The following CIT variants were observed in gnomAD, a reference collection of about 807,000 sequenced individuals.
CIT encodes citron rho-interacting serine/threonine kinase, also known as citron Rho-interacting kinase.
Under a neutral mutation model 272.7 loss-of-function variants are expected in CIT, and 79 were observed. The observed-to-expected ratio is 0.29, with a 90% CI of 0.24 to 0.35. The LOEUF is 0.35. Ranked by LOEUF, CIT falls within the 10% of genes least tolerant of loss-of-function variation. The pLI, the probability that CIT is intolerant of heterozygous loss-of-function variation, is 1.00. For missense variants in CIT, 1,909 were observed against 2,618.3 expected, an observed-to-expected ratio of 0.73 and a Z score of 5.91; for synonymous variants, 948 against 995.6, an observed-to-expected ratio of 0.95 and a Z score of 0.90.
intron 46 of CIT, among the ~76,000 whole-genome samples, chr12:119,693,541 G>A (rs954410339): frequency 1.3e-5 from 2 of 152,150 alleles, no homozygotes; most frequent in Admixed American, 1.3e-4. Context: ...TATCCAGTGA[G>A]GCAACGGAGG....
intron 9 of CIT, among the ~76,000 whole-genome samples, chr12:119,811,137 CA>C (rs1184148871): frequency 6.6e-6 from 1 of 152,040 alleles, no homozygotes; most frequent in Non-Finnish European, 1.5e-5. Context: ...CCAGCCTGGG[CA>C]ACATGGCAAA....
At position 119,718,610 on chromosome 12, in the gene CIT, C is replaced by G. The variant is rs1330420419; in HGVS notation, c.4003+89G>C. On this transcript the variant is annotated intron_variant, in intron 31 of 47. Coordinates refer to ENST00000392521, the MANE Select transcript of CIT (RefSeq NM_001206999.2). This position sits in a 1 kb window ranked among gnomAD's most constrained non-coding sequence, Gnocchi z 4.8. ...AGCGTATGGGCCATAAACGAAGACA[C>G]TGAGCTAGTTAGTCTTGGCTGATCT... The G allele has an allele frequency of 1.2e-5, 18 of 1,547,206 alleles. No individual in the cohort carries two copies. The highest frequency in any genetic ancestry group is 1.4e-5 in the Non-Finnish European group (16 of 1,131,980).
intron 4 of CIT, among the ~76,000 whole-genome samples, chr12:119,853,645 C>A (rs1212429527): frequency 2.0e-5 from 3 of 152,132 alleles, no homozygotes; most frequent in African/African-American, 7.2e-5. Context: ...TACCTAAAAT[C>A]ATGAGATTTA....
At chr12:119,794,840 C>A (rs1377592253) in intron 10 of CIT, among the ~76,000 whole-genome samples, 1 of 152,210 alleles carries the variant, frequency 6.6e-6, no homozygotes, top group African/African-American at 2.4e-5. Context: ...AACACTCATT[C>A]TACTCATGGC....
chr12:119,875,975 C>T, intron 2 of CIT, 98 bp downstream of exon 2: 1 of 757,390 alleles, frequency 1.3e-6, no homozygotes, highest in Admixed American at 2.4e-5. Context: ...GAGACTGAGA[C>T]TCTAAATAAA....
At position 119,688,044 on chromosome 12, in the gene CIT, G is replaced by A; in HGVS notation, c.*188C>T. The A allele has an allele frequency of 1.6e-6, 1 of 639,910 alleles. No homozygotes were observed. The highest frequency in any genetic ancestry group is 1.9e-5 in the South Asian group (1 of 53,176). 39.6% of individuals were successfully genotyped at this position (639,910 alleles called of 1,614,324 possible). On this transcript the variant is annotated 3_prime_UTR_variant, in exon 48 of 48. Transcript: ENST00000392521. Reference sequence around the variant, plus strand: ...CCAGGGCAGGCACCGGGCGCTGACAGCTCCGAAGAGCCTCAGCCACCTGCC... The same window carrying A: ...CCAGGGCAGGCACCGGGCGCTGACAACTCCGAAGAGCCTCAGCCACCTGCC...
At chr12:119,858,242 C>T (rs1251867456) in intron 3 of CIT, among the ~76,000 whole-genome samples, 3 of 152,162 alleles carry the variant, frequency 2.0e-5, no homozygotes, top group Non-Finnish European at 4.4e-5. Context: ...GGGGTCCAGG[C>T]ATGGTGGCTG....
chr12:119,861,117 T>A (rs1278979483), intron 3 of CIT, among the ~76,000 whole-genome samples: 1 of 149,108 alleles, frequency 6.7e-6, no homozygotes, highest in African/African-American at 2.5e-5. Flanking sequence ...CGAGACTCTG[T>A]CTCAGGAAAA....
intron 24 of CIT, among the ~76,000 whole-genome samples, chr12:119,736,311 G>A (rs1958751028): frequency 6.6e-6 from 1 of 152,112 alleles, no homozygotes; most frequent in African/African-American, 2.4e-5. Flanking sequence ...TTCAAACCTA[G>A]AGTCGATTTC....
Position 119,687,680 on chromosome 12 carries a change from C to G in CIT, c.*552G>C, listed in dbSNP as rs994715401. ...GGCTGCGGGAGGTTGGCCAACTGAC[C>G]GGGACTGTTCTACACTATGCCTCGG... On this transcript the variant is annotated 3_prime_UTR_variant, in exon 48 of 48. Coordinates refer to ENST00000392521, the MANE Select transcript of CIT (RefSeq NM_001206999.2). 2.0e-5 allele frequency: 3 copies of G among 151,926 alleles called. No homozygotes were observed. The highest frequency in any genetic ancestry group is 4.4e-5 in the Non-Finnish European group (3 of 68,174). The allele number at this position is 151,926 out of a possible 1,614,324, so 9.4% of individuals were successfully genotyped here.
intron 9 of CIT, among the ~76,000 whole-genome samples, chr12:119,814,782 A>C (rs1331678622): frequency 1.3e-5 from 2 of 152,230 alleles, no homozygotes; most frequent in East Asian, 3.8e-4. Context: ...CACGCCTGTA[A>C]TCCCAGCACT....
intron 9 of CIT, among the ~76,000 whole-genome samples, chr12:119,813,680 A>C (rs990719162): frequency 3.9e-5 from 6 of 152,170 alleles, no homozygotes; most frequent in African/African-American, 1.2e-4. Flanking sequence ...ATCTTCCCCC[A>C]AAAAAGGCAT....
intron 39 of CIT, among the ~76,000 whole-genome samples, chr12:119,709,705 T>C (rs1957053039): frequency 6.6e-6 from 1 of 151,380 alleles, no homozygotes; most frequent in South Asian, 2.1e-4. Context: ...AATCCTTAGG[T>C]TGATATACTG....
chr12:119,789,197 T>G (rs765828623), intron 10 of CIT, among the ~76,000 whole-genome samples: 11 of 152,214 alleles, frequency 7.2e-5, no homozygotes, highest in Admixed American at 2.6e-4. Context: ...TGCTGAGTGA[T>G]TGTAATGTAC....
At chr12:119,862,840 A>AAAAAAAAAAAAAAAAAAG (rs1950393140) in intron 3 of CIT, among the ~76,000 whole-genome samples, 1 of 122,726 alleles carries the variant, frequency 8.1e-6, no homozygotes, top group African/African-American at 3.6e-5. Context: ...AAAAAAAAAA[A>AAAAAAAAAAAAAAAAAAG]GAAAAAACCA....
intron 9 of CIT, among the ~76,000 whole-genome samples, chr12:119,812,460 G>A (rs1486912143): frequency 6.6e-6 from 1 of 150,526 alleles, no homozygotes; most frequent in Admixed American, 6.6e-5. Flanking sequence ...TTTTTTTAGA[G>A]ACAGTGTCTC....
At chr12:119,832,646 C>T (rs1593897435) in intron 7 of CIT, 125 bp downstream of exon 7, 1 of 715,108 alleles carries the variant, frequency 1.4e-6, no homozygotes, top group Non-Finnish European at 2.4e-6. Flanking sequence ...CTGTCCCCAC[C>T]CCCATACACT....
chr12:119,758,846 C>G (rs2137478225), intron 20 of CIT, 146 bp from the exon 21 acceptor site: 1 of 640,320 alleles, frequency 1.6e-6, no homozygotes, highest in East Asian at 2.7e-5. Flanking sequence ...CTGAGGATCA[C>G]AGATGGTACC....
intron 12 of CIT, 53 bp from the exon 13 acceptor site, chr12:119,782,690 G>A: frequency 6.2e-7 from 1 of 1,604,834 alleles, no homozygotes; most frequent in Non-Finnish European, 8.5e-7. Flanking sequence ...TGCTTTGTTT[G>A]AAAAGACTCA....
Sources: allele counts gnomAD v4.1 joint callset (sites outside exome capture counted in the v4.1 genomes callset), GRCh38; gene constraint gnomAD v4.1.1; non-coding constraint Gnocchi (gnomAD v3.1); transcripts MANE v1.5; gene names NCBI Gene and HGNC (gene_info 2026-07-23, HGNC 2026-07-21).